Variants in SCARB1 observed in about 807,000 individuals in gnomAD.
The protein encoded by SCARB1 is scavenger receptor class B member 1, also known as CD36 and LIMPII analogous 1.
A neutral mutation model predicts 57.2 loss-of-function variants in SCARB1; 30 were observed. The observed-to-expected ratio is 0.52, with a 90% CI of 0.39 to 0.71. The LOEUF (loss-of-function observed/expected upper bound fraction) is 0.71. SCARB1 is among the 30% of genes least tolerant of loss of function. The probability of loss-of-function intolerance (pLI) is 0.00; values close to 1 mark genes in which losing one functional copy is unlikely to be tolerated. For synonymous variants in SCARB1, 249 were observed against 268.3 expected (o/e 0.93, Z 0.70); for missense variants, 543 against 671.2 (o/e 0.81, Z 2.11).
chr12:124,794,397 ATTC>A (rs1949855624), intron 9 of SCARB1, among the ~76,000 whole-genome samples: 1 of 113,956 alleles, frequency 8.8e-6, no homozygotes. Flanking sequence ...TGCTTGAAAA[ATTC>A]TTTTTTTTTT....
chr12:124,849,777 A>G (rs1007950063), intron 1 of SCARB1, among the ~76,000 whole-genome samples: 1 of 152,254 alleles, frequency 6.6e-6, no homozygotes, highest in East Asian at 1.9e-4. Flanking sequence ...CGTTAGAGCA[A>G]TTAGGCCAGG....
chr12:124,861,782 C>T (rs1263524360), intron 1 of SCARB1, among the ~76,000 whole-genome samples: 1 of 152,192 alleles, frequency 6.6e-6, no homozygotes, highest in Non-Finnish European at 1.5e-5. Context: ...AAGCCAGATG[C>T]TCCTAGCTCC....
rs1347106433 is a variant in SCARB1, at chr12:124,778,404, ATG to A, written c.*181_*182del. On this transcript the variant is annotated 3_prime_UTR_variant, in exon 13 of 13. Coordinates refer to ENST00000261693, the MANE Select transcript of SCARB1 (RefSeq NM_005505.5). Reference sequence around the variant, plus strand: ...TGAGTGTCTGCACAAGCCTGCACGCATGTGTGTATGTGTGCCAGGGCGTGTGT... The same window carrying A: ...TGAGTGTCTGCACAAGCCTGCACGCATGTGTATGTGTGCCAGGGCGTGTGT... 4.0e-6 allele frequency: 5 copies of A among 1,258,266 alleles called. No homozygotes were observed. Among genetic ancestry groups the A allele is most frequent in the Non-Finnish European group, 4.0e-6 (4 of 998,250 alleles). The allele number at this position is 1,258,266 out of a possible 1,614,324, so 77.9% of individuals were successfully genotyped here.
intron 1 of SCARB1, among the ~76,000 whole-genome samples, chr12:124,826,230 C>T (rs1349115556): frequency 6.7e-6 from 1 of 149,724 alleles, no homozygotes; most frequent in Non-Finnish European, 1.5e-5. Flanking sequence ...ACTCAGGAGG[C>T]TTAAGTGGGA....
chr12:124,812,433 C>A lies in SCARB1; in HGVS notation c.631-468G>T, dbSNP rs11057821. ...GACAGAGCCTCCCTCAGCCTGGATC[C>A]CCAAGTGACCACCACAAGCGCGGGT... On this transcript the variant is annotated intron_variant, in intron 4 of 12. Transcript: ENST00000261693. The surrounding 1 kb of genome is among the most constrained non-coding windows in gnomAD (Gnocchi z 4.3). 2.4e-4 allele frequency among the ~76,000 whole-genome samples: 36 copies of A among 152,308 alleles called. No individual in the cohort carries two copies. The highest frequency in any genetic ancestry group is 8.7e-4 in the African/African-American group (36 of 41,562).
Position 124,814,022 on chromosome 12 carries a change from G to A in SCARB1, c.630+180C>T, listed in dbSNP as rs117142179. On this transcript the variant is annotated intron_variant, in intron 4 of 12. Transcript: ENST00000261693. The surrounding 1 kb of genome is among the most constrained non-coding windows in gnomAD (Gnocchi z 4.7). The stretch of plus-strand genomic sequence containing the variant: ...CCAACCCTAGCATTTTCAGTTCTAT[G>A]AGCCCCAACATTCCCCATTTCACTC... Among the ~76,000 whole-genome samples, 14 of 152,200 alleles carry A rather than the reference G, an allele frequency of 9.2e-5. No individual in the cohort carries two copies. The highest frequency in any genetic ancestry group is 1.8e-4 in the Non-Finnish European group (12 of 68,014).
intron 7 of SCARB1, among the ~76,000 whole-genome samples, chr12:124,806,100 G>A (rs1048426377): frequency 2.6e-5 from 4 of 152,172 alleles, no homozygotes; most frequent in African/African-American, 4.8e-5. Flanking sequence ...GCACTGGATG[G>A]TCTAGGGGAT....
At chr12:124,840,468 G>A (rs1555265116) in intron 1 of SCARB1, among the ~76,000 whole-genome samples, 1 of 152,140 alleles carries the variant, frequency 6.6e-6, no homozygotes, top group Non-Finnish European at 1.5e-5. Context: ...GAGCCACCGC[G>A]CCTGGCTGCC....
intron 1 of SCARB1, among the ~76,000 whole-genome samples, chr12:124,861,876 G>GCACA (rs113876811): frequency 0.54 from 81,134 of 151,260 alleles, 21,865 homozygotes; most frequent in East Asian, 0.67. Context: ...CATGTGTGGT[G>GCACA]CACACACACA....
chr12:124,806,445 C>T (rs1213444933), intron 7 of SCARB1, among the ~76,000 whole-genome samples: 2 of 152,204 alleles, frequency 1.3e-5, no homozygotes, highest in African/African-American at 2.4e-5. Context: ...TAGCCACCCA[C>T]ACTGCGGAAC....
chr12:124,785,714 C>T (rs1949488011), intron 11 of SCARB1: 1 of 219,540 alleles, frequency 4.6e-6, no homozygotes, highest in African/African-American at 2.3e-5. Context: ...AATATTGATG[C>T]CGTTTATACT....
intron 4 of SCARB1, among the ~76,000 whole-genome samples, chr12:124,813,430 C>T (rs529568481): frequency 8.5e-5 from 13 of 152,342 alleles, no homozygotes; most frequent in African/African-American, 3.1e-4. Context: ...TTCCAGATCA[C>T]TTAAGACCAT....
chr12:124,816,015 C>T (rs1950700017), intron 2 of SCARB1, among the ~76,000 whole-genome samples: 1 of 150,806 alleles, frequency 6.6e-6, no homozygotes, highest in South Asian at 2.1e-4. Context: ...GTAACCCCAG[C>T]CGCACAGGCC....
rs1347625804 is a variant in SCARB1, at chr12:124,807,668, C to T, written c.1009+93G>A. 21 of 1,242,364 alleles carry T rather than the reference C, an allele frequency of 1.7e-5. No individual in the cohort carries two copies. The highest frequency in any genetic ancestry group is 2.4e-5 in the Non-Finnish European group (21 of 860,954). The allele number at this position is 1,242,364 out of a possible 1,614,324, so 77.0% of individuals were successfully genotyped here. ...ATGGGATTATCAAGAGTACAGAGGC[C>T]AGAGATTAAGCAGACAGCACTGGGC... On this transcript the variant is annotated intron_variant, in intron 7 of 12. Coordinates refer to ENST00000261693, the MANE Select transcript of SCARB1 (RefSeq NM_005505.5). This position sits in a 1 kb window ranked among gnomAD's most constrained non-coding sequence, Gnocchi z 5.3.
intron 9 of SCARB1, among the ~76,000 whole-genome samples, chr12:124,788,250 C>T (rs1032432593): frequency 1.3e-5 from 2 of 152,224 alleles, no homozygotes; most frequent in Non-Finnish European, 2.9e-5. Context: ...CTCACATCTC[C>T]TACAGGGCAG....
At chr12:124,811,810 A>G in intron 5 of SCARB1, 60 bp downstream of exon 5, 2 of 1,219,914 alleles carry the variant, frequency 1.6e-6, no homozygotes, top group Non-Finnish European at 2.4e-6. Flanking sequence ...CCGAGCAGCC[A>G]TGGCCGGGCC....
intron 1 of SCARB1, among the ~76,000 whole-genome samples, chr12:124,856,984 C>T (rs766262669): frequency 2.0e-5 from 3 of 152,214 alleles, no homozygotes; most frequent in Non-Finnish European, 4.4e-5. Flanking sequence ...AGGACAAAGC[C>T]TCGAAGGGAC....
In SCARB1 at chr12:124,800,771, T is replaced by C. The variant is rs986274513; in HGVS notation, c.1010-529A>G. ...ATCTCCCTGCATCCACAGGAGTGTGTCCCTGTAGACACACCTGCTACAAAT... is the reference window on the plus strand; with the variant it reads ...ATCTCCCTGCATCCACAGGAGTGTGCCCCTGTAGACACACCTGCTACAAAT... On this transcript the variant is annotated intron_variant, in intron 7 of 12. Coordinates refer to ENST00000261693, the MANE Select transcript of SCARB1 (RefSeq NM_005505.5). This position sits in a 1 kb window ranked among gnomAD's most constrained non-coding sequence, Gnocchi z 4.8. Among the ~76,000 whole-genome samples, 4 of 152,074 alleles carry C rather than the reference T, an allele frequency of 2.6e-5. No homozygotes were observed. The highest frequency in any genetic ancestry group is 1.9e-4 in the East Asian group (1 of 5,190).
chr12:124,841,110 G>A (rs1045953193), intron 1 of SCARB1, among the ~76,000 whole-genome samples: 1 of 152,140 alleles, frequency 6.6e-6, no homozygotes, highest in Non-Finnish European at 1.5e-5. Context: ...GGTGGCTCAC[G>A]CCTGTAATCC....
Sources: gnomAD v4.1 joint callset for allele counts (sites outside exome capture counted in the v4.1 genomes callset) on GRCh38, gnomAD v4.1.1 for gene constraint, Gnocchi (gnomAD v3.1) non-coding constraint, MANE v1.5 for transcripts, NCBI Gene and HGNC (gene_info 2026-07-23, HGNC 2026-07-21) for gene names.